AMPD1: variants seen among roughly 807,000 people sequenced by gnomAD.
AMPD1 encodes adenosine monophosphate deaminase 1.
In AMPD1, 74 loss-of-function variants were observed where a neutral mutation model predicts 82.9. The ratio of observed to expected loss-of-function variants is 0.89; its 90% CI spans 0.74 to 1.08. The LOEUF (loss-of-function observed/expected upper bound fraction) is 1.08, where lower values mean the gene tolerates loss of function less well. Among genes scored for constraint, AMPD1 ranks in the 50% least tolerant of loss-of-function variants. The probability of loss-of-function intolerance (pLI) is 0.00; values close to 1 mark genes in which losing one functional copy is unlikely to be tolerated. For synonymous variants in AMPD1, 333 were observed against 320.5 expected, an observed-to-expected ratio of 1.04 and a Z score of -0.42; for missense variants, 881 against 924.5, an observed-to-expected ratio of 0.95 and a Z score of 0.61.
intron 15 of AMPD1, 143 bp from the exon 16 acceptor site, chr1:114,673,415 T>A: frequency 9.4e-7 from 1 of 1,058,272 alleles, no homozygotes; most frequent in Non-Finnish European, 1.4e-6. Context: ...AGCACCCATC[T>A]AGTGCCTCAG....
chr1:114,695,442 A>T lies in AMPD1; in HGVS notation c.22+8T>A, dbSNP rs1364700364. ...CAACTGAGCTCTCCAAACACTTTGT[A>T]CACCTACCTGGGAGTTTGAACAGAG... On this transcript the variant is annotated splice_region_variant and intron_variant, in intron 1 of 15. Coordinates refer to ENST00000520113, the MANE Select transcript of AMPD1 (RefSeq NM_000036.3). 6.2e-7 allele frequency: 1 copy of T among 1,613,712 alleles called. No individual in the cohort carries two copies. Among genetic ancestry groups the T allele is most frequent in the Non-Finnish European group, 8.5e-7 (1 of 1,179,944 alleles).
chr1:114,685,115 C>T (rs1036714769), intron 4 of AMPD1, among the ~76,000 whole-genome samples: 3 of 152,118 alleles, frequency 2.0e-5, no homozygotes, highest in Non-Finnish European at 4.4e-5. Flanking sequence ...ATATGCTTGT[C>T]CCCAGTAGTT....
intron 8 of AMPD1, 96 bp from the exon 9 acceptor site, chr1:114,678,137 G>T (rs191957200): frequency 6.5e-7 from 1 of 1,541,728 alleles, no homozygotes; most frequent in South Asian, 1.1e-5. Flanking sequence ...GTCTGGTAGT[G>T]GGGGAGGGCA....
chr1:114,677,770 C>A, intron 9 of AMPD1, 140 bp downstream of exon 9: 1 of 706,038 alleles, frequency 1.4e-6, no homozygotes, highest in South Asian at 1.5e-5. Context: ...CCCTCCCTCC[C>A]TCCCTTCCTT....
chr1:114,688,126 G>T (rs1658373878), intron 3 of AMPD1, among the ~76,000 whole-genome samples: 1 of 151,858 alleles, frequency 6.6e-6, no homozygotes, highest in Non-Finnish European at 1.5e-5. Flanking sequence ...GTGTTGGGGG[G>T]AAAAGGAATT....
At chr1:114,686,668 G>A in intron 4 of AMPD1, 77 bp downstream of exon 4, 1 of 1,513,172 alleles carries the variant, frequency 6.6e-7, no homozygotes, top group Non-Finnish European at 9.2e-7. Context: ...ACAGGAAAGA[G>A]AAGAAGGCAA....
rs751594548 is a variant in AMPD1 at position 114,684,233 on chromosome 1, A to T, written c.513T>A (p.Gly171=). Residue 171 remains glycine (G), a synonymous_variant, in exon 5 of 16, where the codon GGT becomes GGA. Transcript: ENST00000520113. Reference sequence around the variant, plus strand: ...AGCTCTCATTTGCTACCCAAGCCTCACCATCAATGTTCCGCAAGTATTTGG... The same window carrying T: ...AGCTCTCATTTGCTACCCAAGCCTCTCCATCAATGTTCCGCAAGTATTTGG... ...TPSKYLRNID[G]EAWVANESFY... 9.9e-6 allele frequency: 16 copies of T among 1,614,050 alleles called. No homozygotes were observed. The highest frequency in any genetic ancestry group is 1.6e-4 in the Middle Eastern group (1 of 6,084).
At chr1:114,674,902 C>T in intron 12 of AMPD1, 30 bp from the exon 13 acceptor site, 2 of 1,613,858 alleles carry the variant, frequency 1.2e-6, no homozygotes, top group South Asian at 2.2e-5. Flanking sequence ...ATTGGAATCG[C>T]AGGTTCTGGG....
intron 5 of AMPD1, among the ~76,000 whole-genome samples, chr1:114,682,177 T>C (rs574020174): frequency 6.6e-6 from 1 of 152,284 alleles, no homozygotes; most frequent in East Asian, 1.9e-4. Flanking sequence ...GAAAGCCTCC[T>C]GTTTACAAGT....
chr1:114,681,348 A>G (rs1227690336), intron 5 of AMPD1, among the ~76,000 whole-genome samples: 2 of 152,158 alleles, frequency 1.3e-5, no homozygotes, highest in African/African-American at 4.8e-5. Context: ...TAATCCCAGC[A>G]TTTTGGGAGG....
chr1:114,682,691 G>T (rs1290593763), intron 5 of AMPD1, among the ~76,000 whole-genome samples: 17 of 151,792 alleles, frequency 1.1e-4, no homozygotes, highest in African/African-American at 3.4e-4. Flanking sequence ...CCATTCTCCT[G>T]CCTCAGCCTC....
rs143235944 is a variant in AMPD1 at position 114,679,602 on chromosome 1, G to A, written c.874C>T (p.Arg292Ter). ...ELKELKNNPH[R>*]DFYNCRKVDT... ...ACCTTCCTGCAGTTATAAAAATCTC[G>A]GTGGGGGTTGTTTTTCAGCTCCTTT... The change falls in exon 7 of 16, where the codon CGA (arginine) becomes TGA (stop). Residue 292 changes from arginine (R) to a stop codon, truncating the protein, a stop_gained. Coordinates refer to ENST00000520113, the MANE Select transcript of AMPD1 (RefSeq NM_000036.3). LOFTEE classifies it high-confidence loss of function. 1.4e-5 allele frequency: 23 copies of A among 1,613,862 alleles called. No homozygotes were observed. Among genetic ancestry groups the A allele is most frequent in the Admixed American group, 6.7e-5 (4 of 59,970 alleles).
At chr1:114,695,235 C>T (rs956326546) in intron 1 of AMPD1, among the ~76,000 whole-genome samples, 11 of 152,062 alleles carry the variant, frequency 7.2e-5, no homozygotes, top group South Asian at 2.1e-4. Context: ...ATGCAATATA[C>T]ATGATAACAG....
intron 9 of AMPD1, 75 bp from the exon 10 acceptor site, chr1:114,677,589 C>G: frequency 6.3e-7 from 1 of 1,577,454 alleles, no homozygotes; most frequent in South Asian, 1.1e-5. Context: ...AGGAGATTCC[C>G]TTTCTAACTC....
intron 3 of AMPD1, 105 bp from the exon 4 acceptor site, chr1:114,687,015 A>G: frequency 7.8e-7 from 1 of 1,274,278 alleles, no homozygotes; most frequent in Non-Finnish European, 1.1e-6. Context: ...GACAAAAAGT[A>G]AAAATTAAAA....
In AMPD1 at chr1:114,686,827, T is replaced by C. The variant is rs776862556; in HGVS notation, c.299A>G (p.Asp100Gly). 1 of 1,614,162 alleles carries C rather than the reference T, an allele frequency of 6.2e-7. No individual in the cohort carries two copies. The highest frequency in any genetic ancestry group is 1.7e-5 in the Admixed American group (1 of 60,024). ...GGTTGGAGATGAGGAAATGTATTCA[T>C]CAATGTGGGACAGTTTGGTGGAAGA... ...ETSSTKLSHI[D>G]EYISSSPTYQ... Residue 100 changes from aspartate (D) to glycine (G), a missense_variant, in exon 4 of 16, where the codon GAT (aspartate) becomes GGT (glycine). Coordinates refer to ENST00000520113, the MANE Select transcript of AMPD1 (RefSeq NM_000036.3).
At chr1:114,694,607 G>A (rs1462048358) in intron 1 of AMPD1, among the ~76,000 whole-genome samples, 1 of 152,172 alleles carries the variant, frequency 6.6e-6, no homozygotes, top group Non-Finnish European at 1.5e-5. Flanking sequence ...ACTTTGGGAG[G>A]CTGAGGCAGG....
chr1:114,674,967 T>G lies in AMPD1; in HGVS notation c.1680-95A>C, dbSNP rs1657939203. 2.7e-6 allele frequency: 4 copies of G among 1,496,132 alleles called. No individual in the cohort carries two copies. In the East Asian group the frequency reaches 9.1e-5, roughly 34 times the overall value. The allele number at this position is 1,496,132 out of a possible 1,614,324, so 92.7% of individuals were successfully genotyped here. ...GAAAAGTGAACACTCTGGAAGGAAGTAAGCCATCCAAAGGATTCAGCAAAA... is the reference window on the plus strand; with the variant it reads ...GAAAAGTGAACACTCTGGAAGGAAGGAAGCCATCCAAAGGATTCAGCAAAA... On this transcript the variant is annotated intron_variant, in intron 12 of 15. Transcript: ENST00000520113.
intron 9 of AMPD1, 91 bp downstream of exon 9, chr1:114,677,819 T>TTCCTTCCTTCCG: frequency 9.7e-7 from 1 of 1,028,610 alleles, no homozygotes. Context: ...CCTTCCTTCC[T>TTCCTTCCTTCCG]TCCTTCCTTC....
Sources: gnomAD v4.1 joint callset for allele counts (sites outside exome capture counted in the v4.1 genomes callset) on GRCh38, gnomAD v4.1.1 for gene constraint, MANE v1.5 for transcripts, NCBI Gene and HGNC (gene_info 2026-07-23, HGNC 2026-07-21) for gene names.